ATP2B1: variants seen among roughly 807,000 people sequenced by gnomAD.
ATP2B1 encodes the protein plasma membrane calcium-transporting ATPase 1.
A neutral mutation model predicts 124.2 loss-of-function variants in ATP2B1; 14 were observed. The observed-to-expected ratio is 0.11, with a 90% CI of 0.07 to 0.18. The LOEUF (loss-of-function observed/expected upper bound fraction) is 0.18. Ranked by LOEUF, ATP2B1 falls within the 10% of genes least tolerant of loss-of-function variation. The pLI is 1.00. For missense variants in ATP2B1, 763 were observed against 1,466.1 expected (o/e 0.52, Z 7.83); for synonymous variants, 449 against 492.4 (o/e 0.91, Z 1.17).
In ATP2B1 at chr12:89,624,336, G is replaced by C. The variant is rs781426967; in HGVS notation, c.1191C>G (p.Phe397Leu). Residue 397 changes from phenylalanine (F) to leucine (L), a missense_variant, in exon 9 of 21, where the codon TTC (phenylalanine) becomes TTG (leucine). Physicochemically the swap from Phe to Leu is conservative, Grantham distance 22. Transcript: ENST00000428670. ...CAAGCCATGGTCTTTTCTGAACCCAGAAGGTGTCAATGACAAAATATAATA... is the reference window on the plus strand; with the variant it reads ...CAAGCCATGGTCTTTTCTGAACCCACAAGGTGTCAATGACAAAATATAATA... ...ILVLYFVIDT[F>L]WVQKRPWLAE... 5 of 1,614,118 alleles carry C rather than the reference G, an allele frequency of 3.1e-6. No homozygotes were observed. Among genetic ancestry groups the C allele is most frequent in the Non-Finnish European group, 3.4e-6 (4 of 1,179,990 alleles).
At chr12:89,643,065 T>TATACACACAC (rs1555201598) in intron 2 of ATP2B1, among the ~76,000 whole-genome samples, 52 of 143,640 alleles carry the variant, frequency 3.6e-4, no homozygotes, top group African/African-American at 1.2e-3. Context: ...TAAAGATACA[T>TATACACACAC]ACACACACAC....
chr12:89,700,326 T>C lies in ATP2B1; in HGVS notation c.-222+8270A>G, dbSNP rs548580380. Among the ~76,000 whole-genome samples, 3 of 152,300 alleles carry C rather than the reference T, an allele frequency of 2.0e-5. No homozygotes were observed. In the South Asian group the frequency reaches 6.2e-4, roughly 32 times the overall value. On this transcript the variant is annotated intron_variant, in intron 1 of 20. Coordinates refer to ENST00000428670, the MANE Select transcript of ATP2B1 (RefSeq NM_001366521.1). ...CCATTCACTGACTGACCTTCCTTGT[T>C]TTCAGCCCTCTATTTGCACTGGTAC... is the stretch of plus-strand genomic sequence containing the variant.
At chr12:89,611,404 T>A in intron 12 of ATP2B1, 32 bp from the exon 13 acceptor site, 1 of 1,473,322 alleles carries the variant, frequency 6.8e-7, no homozygotes, top group Non-Finnish European at 9.0e-7. Flanking sequence ...AATTACAAAG[T>A]TAATTTGGTA....
At chr12:89,698,177 T>C (rs1891399894) in intron 1 of ATP2B1, among the ~76,000 whole-genome samples, 1 of 152,190 alleles carries the variant, frequency 6.6e-6, no homozygotes, top group Admixed American at 6.5e-5. Context: ...CTTCCTAAAG[T>C]ACTTTTATCA....
chr12:89,700,162 G>A (rs1303161103), intron 1 of ATP2B1, among the ~76,000 whole-genome samples: 2 of 151,896 alleles, frequency 1.3e-5, no homozygotes, highest in African/African-American at 4.8e-5. Context: ...CCAAAGACAG[G>A]GTAACATAAA....
intron 2 of ATP2B1, among the ~76,000 whole-genome samples, chr12:89,649,826 T>C (rs555521628): frequency 1.2e-3 from 178 of 152,316 alleles, no homozygotes; most frequent in African/African-American, 4.1e-3. Flanking sequence ...AGATTTCTCA[T>C]GGACAGTTTA....
chr12:89,611,184 A>C lies in ATP2B1; in HGVS notation c.2247+9T>G. ...GTCAACCAAAAACAAAATAATAATA[A>C]ATCTTTACCTCTCCTTTTTCATTTC... On this transcript the variant is annotated intron_variant, in intron 13 of 20. Coordinates refer to ENST00000428670, the MANE Select transcript of ATP2B1 (RefSeq NM_001366521.1). 2 of 1,572,452 alleles carry C rather than the reference A, an allele frequency of 1.3e-6. No individual in the cohort carries two copies. The highest frequency in any genetic ancestry group is 4.5e-5 in the East Asian group (2 of 44,646).
chr12:89,632,077 T>G (rs1453100685), intron 5 of ATP2B1, among the ~76,000 whole-genome samples: 4 of 152,186 alleles, frequency 2.6e-5, no homozygotes, highest in African/African-American at 9.6e-5. Flanking sequence ...TATCTTTTCT[T>G]ATTCACTAAA....
At chr12:89,636,641 A>G (rs1421523339) in intron 3 of ATP2B1, among the ~76,000 whole-genome samples, 1 of 152,196 alleles carries the variant, frequency 6.6e-6, no homozygotes, top group African/African-American at 2.4e-5. Context: ...TGAAGAAAAA[A>G]TCTGAGGTGT....
rs761429492 is a variant in ATP2B1, at chr12:89,655,816, T to A, written c.71A>T (p.Asp24Val). Residue 24 changes from aspartate to valine, a missense_variant, in exon 2 of 21, where the codon GAT (aspartate) becomes GTT (valine). Transcript: ENST00000428670. ...VKNSLKEANH[D>V]GDFGITLAEL... ...TGCGAGCGTAATTCCAAAGTCTCCA[T>A]CATGATTAGCTTCCTTCAAAGAGTT... is the stretch of plus-strand genomic sequence containing the variant. 3 of 1,614,054 alleles carry A rather than the reference T, an allele frequency of 1.9e-6. No homozygotes were observed. Among genetic ancestry groups the A allele is most frequent in the African/African-American group, 1.3e-5 (1 of 74,938 alleles).
chr12:89,606,444 G>A (rs1035033138), intron 15 of ATP2B1, among the ~76,000 whole-genome samples: 5 of 152,060 alleles, frequency 3.3e-5, no homozygotes, highest in South Asian at 4.1e-4. Context: ...TAAATGCTAC[G>A]CATACATTGT....
intron 1 of ATP2B1, among the ~76,000 whole-genome samples, chr12:89,672,646 G>GT (rs1208732129): frequency 1.3e-5 from 2 of 151,884 alleles, no homozygotes; most frequent in African/African-American, 4.8e-5. Flanking sequence ...TTCCTTCTCT[G>GT]TGTCTCTGAC....
At chr12:89,653,421 C>T (rs1028371243) in intron 2 of ATP2B1, among the ~76,000 whole-genome samples, 1 of 150,988 alleles carries the variant, frequency 6.6e-6, no homozygotes, top group Non-Finnish European at 1.5e-5. Context: ...CTCAGCCTCC[C>T]GAGTAGCTGG....
chr12:89,653,731 A>G (rs1885597930), intron 2 of ATP2B1, among the ~76,000 whole-genome samples: 1 of 152,216 alleles, frequency 6.6e-6, no homozygotes, highest in Admixed American at 6.5e-5. Context: ...ATTTTCAGTT[A>G]ACTTAACTTC....
intron 12 of ATP2B1, chr12:89,612,174 T>C (rs1565817095): frequency 6.6e-6 from 1 of 152,010 alleles, no homozygotes; most frequent in Admixed American, 6.6e-5. Flanking sequence ...TACTTGATGG[T>C]AGAGTTTTTT....
chr12:89,677,971 T>TATATATATATACAC (rs1461216851), intron 1 of ATP2B1, among the ~76,000 whole-genome samples: 9 of 52,322 alleles, frequency 1.7e-4, no homozygotes, highest in African/African-American at 4.2e-4. Context: ...TATATATATA[T>TATATATATATACAC]ACACACACAC....
At chr12:89,708,265 A>T (rs1300818517) in intron 1 of ATP2B1, among the ~76,000 whole-genome samples, 3 of 152,020 alleles carry the variant, frequency 2.0e-5, no homozygotes, top group Admixed American at 6.6e-5. Context: ...GGCGCGGCCG[A>T]GGCGGCTTCG....
At chr12:89,687,667 C>T (rs1489721097) in intron 1 of ATP2B1, among the ~76,000 whole-genome samples, 3 of 151,902 alleles carry the variant, frequency 2.0e-5, no homozygotes, top group Non-Finnish European at 4.4e-5. Flanking sequence ...AAGTTTTATT[C>T]CATACACTCT....
At chr12:89,597,467 T>C (rs1363854003) in intron 20 of ATP2B1, among the ~76,000 whole-genome samples, 2 of 152,168 alleles carry the variant, frequency 1.3e-5, no homozygotes, top group Non-Finnish European at 2.9e-5. Context: ...GGACAGTTCT[T>C]ACTGTGCCTG....
Sources: gnomAD v4.1 joint callset for allele counts (sites outside exome capture counted in the v4.1 genomes callset) on GRCh38, gnomAD v4.1.1 for gene constraint, MANE v1.5 for transcripts, NCBI Gene and HGNC (gene_info 2026-07-23, HGNC 2026-07-21) for gene names.